Variants in AIG1 observed in about 807,000 individuals in gnomAD.
AIG1 encodes the protein androgen induced 1, also known as androgen-induced gene 1 protein.
A neutral mutation model predicts 31.4 loss-of-function variants in AIG1; 23 were observed. The ratio of observed to expected loss-of-function variants is 0.73; its 90% CI spans 0.53 to 1.04. The LOEUF (loss-of-function observed/expected upper bound fraction) is 1.04. Ranked by LOEUF, AIG1 falls within the 50% of genes least tolerant of loss-of-function variation. AIG1 has a pLI of 0.00. For missense variants in AIG1, 274 were observed against 295.0 expected, an observed-to-expected ratio of 0.93 and a Z score of 0.52; for synonymous variants, 100 against 110.5, an observed-to-expected ratio of 0.90 and a Z score of 0.60.
chr6:143,064,437 C>T (rs534391162), intron 1 of AIG1, among the ~76,000 whole-genome samples: 1 of 152,208 alleles, frequency 6.6e-6, no homozygotes, highest in South Asian at 2.1e-4. Flanking sequence ...TGGTTTTCCT[C>T]CTAGAGTTTC....
intron 4 of AIG1, among the ~76,000 whole-genome samples, chr6:143,313,612 A>T (rs888872954): frequency 6.6e-6 from 1 of 152,056 alleles, no homozygotes; most frequent in African/African-American, 2.4e-5. Flanking sequence ...TACAACAATA[A>T]AAAGAATGAA....
intron 1 of AIG1, among the ~76,000 whole-genome samples, chr6:143,086,579 G>A (rs1208283614): frequency 6.6e-6 from 1 of 152,140 alleles, no homozygotes; most frequent in Non-Finnish European, 1.5e-5. Context: ...CCTAAATTGG[G>A]AGGGACACGA....
rs55784672 is a variant in AIG1 at position 143,280,404 on chromosome 6, A to C, written c.400-3706A>C. On this transcript the variant is annotated intron_variant, in intron 3 of 5. Coordinates refer to ENST00000357847, the MANE Select transcript of AIG1 (RefSeq NM_016108.4). The surrounding 1 kb of genome is among the most constrained non-coding windows in gnomAD (Gnocchi z 4.1). The stretch of plus-strand genomic sequence containing the variant: ...CCAGAAGAATAGAAATCATTCTACC[A>C]TAAAGATATATGTGCACAAATGTTC... 6.6e-6 allele frequency among the ~76,000 whole-genome samples: 1 copy of C among 152,196 alleles called. No homozygotes were observed. Among genetic ancestry groups the C allele is most frequent in the Non-Finnish European group, 1.5e-5 (1 of 68,046 alleles).
intron 4 of AIG1, among the ~76,000 whole-genome samples, chr6:143,307,848 G>C (rs981297934): frequency 2.6e-5 from 4 of 152,252 alleles, no homozygotes; most frequent in Non-Finnish European, 5.9e-5. Context: ...CTGAGCTGTG[G>C]TGGGCTCCAC....
intron 1 of AIG1, among the ~76,000 whole-genome samples, chr6:143,065,008 G>A (rs951022834): frequency 2.0e-5 from 3 of 152,150 alleles, no homozygotes; most frequent in Admixed American, 6.5e-5. Context: ...CAGAGAAGGG[G>A]GTGACAAGGT....
rs76713821 is a variant in AIG1 at position 143,186,265 on chromosome 6, G to A, written c.399+21082G>A. ...ACCAAACATATTTCATTAAGTCACTGATAAACATTCCTGGCATTTTTGATT... is the reference window on the plus strand; with the variant it reads ...ACCAAACATATTTCATTAAGTCACTAATAAACATTCCTGGCATTTTTGATT... On this transcript the variant is annotated intron_variant, in intron 3 of 5. Coordinates refer to ENST00000357847, the MANE Select transcript of AIG1 (RefSeq NM_016108.4). 1.8e-3 allele frequency among the ~76,000 whole-genome samples: 273 copies of A among 152,308 alleles called. 5 individuals are homozygous for A. The East Asian group carries it at 0.029, about 16-fold the overall frequency.
intron 1 of AIG1, among the ~76,000 whole-genome samples, chr6:143,064,426 A>C (rs1234520330): frequency 6.6e-6 from 1 of 152,194 alleles, no homozygotes; most frequent in Non-Finnish European, 1.5e-5. Flanking sequence ...GGACAAAAAA[A>C]TGGTTTTCCT....
At chr6:143,235,877 TTCTTC>T (rs1793767617) in intron 3 of AIG1, among the ~76,000 whole-genome samples, 1 of 152,186 alleles carries the variant, frequency 6.6e-6, no homozygotes, top group Non-Finnish European at 1.5e-5. Context: ...TTTTTTCCAA[TTCTTC>T]TCTTCAAAGA....
intron 3 of AIG1, among the ~76,000 whole-genome samples, chr6:143,239,732 A>G (rs1182880425): frequency 1.3e-5 from 2 of 152,174 alleles, no homozygotes; most frequent in South Asian, 2.1e-4. Flanking sequence ...CGTGTTCAAA[A>G]TGTGGATTTT....
At chr6:143,251,048 CATTG>C (rs1794973311) in intron 3 of AIG1, among the ~76,000 whole-genome samples, 1 of 152,206 alleles carries the variant, frequency 6.6e-6, no homozygotes, top group African/African-American at 2.4e-5. Flanking sequence ...TGACAGAATA[CATTG>C]ATTGTTGTTG....
rs9484725 is a variant in AIG1, at chr6:143,320,522, C to A, written c.516-12760C>A. On this transcript the variant is annotated intron_variant, in intron 4 of 5. Coordinates refer to ENST00000357847, the MANE Select transcript of AIG1 (RefSeq NM_016108.4). Reference sequence around the variant, plus strand: ...GACATAGAATGGAATGTTATTCAGCCCTTAAAAAGGAATAAATCCTTCCAT... The same window carrying A: ...GACATAGAATGGAATGTTATTCAGCACTTAAAAAGGAATAAATCCTTCCAT... Among the ~76,000 whole-genome samples the A allele has an allele frequency of 9.1e-3, 1,381 of 152,094 alleles. 15 individuals carry two copies. The highest frequency in any genetic ancestry group is 0.032 in the African/African-American group (1,331 of 41,466).
At chr6:143,310,802 G>A (rs1404899574) in intron 4 of AIG1, among the ~76,000 whole-genome samples, 1 of 151,442 alleles carries the variant, frequency 6.6e-6, no homozygotes, top group Non-Finnish European at 1.5e-5. Flanking sequence ...GAATAATAAA[G>A]GAATATTATG....
At chr6:143,221,864 AT>A (rs1405795621) in intron 3 of AIG1, among the ~76,000 whole-genome samples, 1 of 152,154 alleles carries the variant, frequency 6.6e-6, no homozygotes, top group Non-Finnish European at 1.5e-5. Context: ...ACAGATCAGT[AT>A]TTTTGGATCT....
intron 1 of AIG1, among the ~76,000 whole-genome samples, chr6:143,062,331 C>G (rs1342649280): frequency 6.6e-6 from 1 of 152,152 alleles, no homozygotes; most frequent in Non-Finnish European, 1.5e-5. Flanking sequence ...TTTTAATTTT[C>G]AGATCCTCAT....
chr6:143,337,043 CAG>C (rs764200120), intron 5 of AIG1, among the ~76,000 whole-genome samples: 1 of 152,190 alleles, frequency 6.6e-6, no homozygotes, highest in Non-Finnish European at 1.5e-5. Flanking sequence ...TCAGGGCTCA[CAG>C]GGGAGGGGAT....
chr6:143,312,306 A>C (rs1292797484), intron 4 of AIG1, among the ~76,000 whole-genome samples: 1 of 152,114 alleles, frequency 6.6e-6, no homozygotes, highest in Non-Finnish European at 1.5e-5. Context: ...CATGACTTCA[A>C]ATTATACTAC....
Position 143,338,749 on chromosome 6 carries a change from C to G in AIG1, c.680-890C>G, listed in dbSNP as rs1475609605. On this transcript the variant is annotated intron_variant, in intron 5 of 5. Transcript: ENST00000357847. This position sits in a 1 kb window ranked among gnomAD's most constrained non-coding sequence, Gnocchi z 4.3. The stretch of plus-strand genomic sequence containing the variant: ...CTGGGGAACAAAATAGGGAAGGGCC[C>G]TACCCTCAGAAAGCTTGCAATTTAT... 1 of 152,056 alleles carries G rather than the reference C, an allele frequency of 6.6e-6. No homozygotes were observed. Among genetic ancestry groups the G allele is most frequent in the African/African-American group, 2.4e-5 (1 of 41,396 alleles). The allele number at this position is 152,056 out of a possible 1,614,324, so 9.4% of individuals were successfully genotyped here.
At chr6:143,263,882 A>G (rs913476179) in intron 3 of AIG1, among the ~76,000 whole-genome samples, 2 of 152,210 alleles carry the variant, frequency 1.3e-5, no homozygotes, top group African/African-American at 4.8e-5. Context: ...TTGTTTACCA[A>G]GCTGAAGGAG....
intron 3 of AIG1, among the ~76,000 whole-genome samples, chr6:143,249,771 C>A (rs1202298333): frequency 1.3e-5 from 2 of 152,100 alleles, no homozygotes; most frequent in East Asian, 3.8e-4. Flanking sequence ...TTTGCTGATG[C>A]CCTATGTGTG....
Sources: allele counts gnomAD v4.1 joint callset (sites outside exome capture counted in the v4.1 genomes callset), GRCh38; gene constraint gnomAD v4.1.1; non-coding constraint Gnocchi (gnomAD v3.1); transcripts MANE v1.5; gene names NCBI Gene and HGNC (gene_info 2026-07-23, HGNC 2026-07-21).